The following LDB2 variants were observed in gnomAD, a reference collection of about 807,000 sequenced individuals.
LDB2 encodes LIM domain-binding protein 2.
LDB2 carries 12 observed loss-of-function variants against 44.3 expected under a neutral mutation model. That is an observed-to-expected ratio of 0.27 (90% confidence interval 0.17 to 0.44). The LOEUF (loss-of-function observed/expected upper bound fraction) is 0.44. LDB2 is among the 20% of genes least tolerant of loss of function. The pLI is 1.00. For synonymous variants in LDB2, 164 were observed against 174.8 expected (o/e 0.94, Z 0.49); for missense variants, 344 against 473.5 (o/e 0.73, Z 2.54).
intron 1 of LDB2, among the ~76,000 whole-genome samples, chr4:16,865,263 G>C (rs1714289371): frequency 6.6e-6 from 1 of 152,016 alleles, no homozygotes; most frequent in Non-Finnish European, 1.5e-5. Context: ...AAAAAAGAAA[G>C]AAACAAAGAG....
intron 2 of LDB2, among the ~76,000 whole-genome samples, chr4:16,678,780 C>G (rs994462539): frequency 6.6e-6 from 1 of 152,194 alleles, no homozygotes; most frequent in South Asian, 2.1e-4. Context: ...CAGCTCATGA[C>G]AGGGTGAGAA....
chr4:16,654,877 G>T (rs1442863512), intron 2 of LDB2, among the ~76,000 whole-genome samples: 2 of 151,976 alleles, frequency 1.3e-5, no homozygotes, highest in Non-Finnish European at 2.9e-5. Flanking sequence ...CCTTCAATTT[G>T]GTTCTCTTTA....
chr4:16,637,533 C>T (rs1733956100), intron 2 of LDB2, among the ~76,000 whole-genome samples: 1 of 151,918 alleles, frequency 6.6e-6, no homozygotes, highest in Admixed American at 6.6e-5. Flanking sequence ...CCAGTGCTCC[C>T]CATCTGTCCT....
At chr4:16,577,555 C>T (rs941491996) in intron 5 of LDB2, among the ~76,000 whole-genome samples, 19 of 151,970 alleles carry the variant, frequency 1.3e-4, no homozygotes, top group Admixed American at 2.6e-4. Flanking sequence ...AATGTATTGA[C>T]GAAAGAAATT....
intron 2 of LDB2, chr4:16,674,447 G>A: frequency 2.4e-6 from 1 of 412,100 alleles, no homozygotes; most frequent in Non-Finnish European, 4.8e-6. Flanking sequence ...TTCATTGAGT[G>A]TCCACGTATT....
intron 2 of LDB2, among the ~76,000 whole-genome samples, chr4:16,615,094 T>TAAAAA (rs113472116): frequency 9.9e-6 from 1 of 100,538 alleles, no homozygotes; most frequent in Non-Finnish European, 2.1e-5. Context: ...AAAAAAAAAG[T>TAAAAA]CAAGAAACAA....
In LDB2 at chr4:16,582,226, C is replaced by T. The variant is rs1714965969; in HGVS notation, c.615+3696G>A. ...CAGTGATCACCTTGAGGGCATAAAC[C>T]TGGCACAAAGAAAGTGTGTCAGAAA... On this transcript the variant is annotated intron_variant, in intron 5 of 7. Coordinates refer to ENST00000304523, the MANE Select transcript of LDB2 (RefSeq NM_001290.5). The surrounding 1 kb of genome is among the most constrained non-coding windows in gnomAD (Gnocchi z 4.8). Among the ~76,000 whole-genome samples the T allele has an allele frequency of 6.6e-6, 1 of 152,114 alleles. No individual in the cohort carries two copies. Among genetic ancestry groups the T allele is most frequent in the South Asian group, 2.1e-4 (1 of 4,812 alleles).
intron 2 of LDB2, among the ~76,000 whole-genome samples, chr4:16,664,661 A>G (rs928808336): frequency 6.6e-6 from 1 of 152,218 alleles, no homozygotes; most frequent in Non-Finnish European, 1.5e-5. Context: ...AAATCTCCCT[A>G]TTTAAGTTTA....
chr4:16,585,617 G>C (rs1238687545), intron 5 of LDB2, among the ~76,000 whole-genome samples: 1 of 152,112 alleles, frequency 6.6e-6, no homozygotes, highest in Non-Finnish European at 1.5e-5. Flanking sequence ...TTGAACTTGA[G>C]ACAACCACAA....
chr4:16,640,020 A>AT (rs1263644939), intron 2 of LDB2, among the ~76,000 whole-genome samples: 4 of 152,210 alleles, frequency 2.6e-5, no homozygotes, highest in Admixed American at 6.5e-5. Context: ...CCAAATTTTC[A>AT]TCTATCCATC....
chr4:16,729,148 T>C (rs1044901621), intron 2 of LDB2, among the ~76,000 whole-genome samples: 38 of 152,346 alleles, frequency 2.5e-4, no homozygotes, highest in African/African-American at 9.1e-4. Context: ...TGCTTCCCTC[T>C]TTCTTAATTG....
At chr4:16,682,842 C>T (rs1240216469) in intron 2 of LDB2, among the ~76,000 whole-genome samples, 1 of 152,232 alleles carries the variant, frequency 6.6e-6, no homozygotes, top group African/African-American at 2.4e-5. Context: ...TTGTTCACAA[C>T]CAAGATGGGA....
chr4:16,724,058 T>C (rs1758910213), intron 2 of LDB2, among the ~76,000 whole-genome samples: 1 of 152,106 alleles, frequency 6.6e-6, no homozygotes, highest in African/African-American at 2.4e-5. Context: ...GTGCAGCCAA[T>C]CAAAAACTGT....
At chr4:16,745,547 GC>G (rs1393574780) in intron 2 of LDB2, among the ~76,000 whole-genome samples, 3 of 152,200 alleles carry the variant, frequency 2.0e-5, no homozygotes, top group African/African-American at 7.2e-5. Context: ...TGGAGAAAAT[GC>G]CAGCAACAAG....
intron 1 of LDB2, among the ~76,000 whole-genome samples, chr4:16,789,643 T>C (rs909343672): frequency 2.2e-4 from 34 of 152,286 alleles, no homozygotes; most frequent in African/African-American, 8.2e-4. Context: ...CTTAAAACCC[T>C]ATATGGCCAG....
At chr4:16,755,540 A>T (rs1579365189) in intron 2 of LDB2, among the ~76,000 whole-genome samples, 2 of 31,376 alleles carry the variant, frequency 6.4e-5, no homozygotes, top group East Asian at 8.0e-4. Context: ...AGAGAGAGAG[A>T]GACAGACAGA....
At chr4:16,871,186 G>A (rs1272517885) in intron 1 of LDB2, among the ~76,000 whole-genome samples, 1 of 152,178 alleles carries the variant, frequency 6.6e-6, no homozygotes, top group East Asian at 1.9e-4. Flanking sequence ...TGCCCTTGGG[G>A]TTATTTATGT....
At chr4:16,534,859 T>C (rs1731240484) in intron 5 of LDB2, among the ~76,000 whole-genome samples, 1 of 152,186 alleles carries the variant, frequency 6.6e-6, no homozygotes, top group Non-Finnish European at 1.5e-5. Flanking sequence ...AGCCCTCATG[T>C]ACCCTGAGGT....
chr4:16,547,751 C>T (rs926206885), intron 5 of LDB2, among the ~76,000 whole-genome samples: 5 of 152,184 alleles, frequency 3.3e-5, no homozygotes, highest in African/African-American at 1.2e-4. Context: ...CTTGAATCTT[C>T]ATTTAGGCTT....
Sources: gnomAD v4.1 joint callset for allele counts (sites outside exome capture counted in the v4.1 genomes callset) on GRCh38, gnomAD v4.1.1 for gene constraint, Gnocchi (gnomAD v3.1) non-coding constraint, MANE v1.5 for transcripts, NCBI Gene and HGNC (gene_info 2026-07-23, HGNC 2026-07-21) for gene names.